The following ACSF2 variants were observed in gnomAD, a reference collection of about 807,000 sequenced individuals.
The protein encoded by ACSF2 is acyl-CoA synthetase family member 2, also known as medium-chain acyl-CoA ligase ACSF2, mitochondrial.
In ACSF2, 52 loss-of-function variants were observed where a neutral mutation model predicts 79.3. That is an observed-to-expected ratio of 0.66 (90% CI 0.53 to 0.83). The LOEUF is 0.83. ACSF2 is among the 40% of genes least tolerant of loss of function. The pLI, the probability that ACSF2 is intolerant of heterozygous loss-of-function variation, is 0.00. For synonymous variants in ACSF2, 283 were observed against 312.6 expected (o/e 0.91, Z 1.00); for missense variants, 661 against 803.3 (o/e 0.82, Z 2.14).
chr17:50,431,016 G>A (rs968337393), intron 1 of ACSF2, among the ~76,000 whole-genome samples: 9 of 152,176 alleles, frequency 5.9e-5, no homozygotes, highest in Non-Finnish European at 1.3e-4. Context: ...CTTGTATTAA[G>A]CCTGGAAGTG....
chr17:50,451,177 G>A (rs991834292), intron 1 of ACSF2, among the ~76,000 whole-genome samples: 9 of 152,104 alleles, frequency 5.9e-5, no homozygotes, highest in Non-Finnish European at 8.8e-5. Flanking sequence ...GGGCTCAAGC[G>A]ATCCTCCCAC....
At chr17:50,429,331 G>A (rs888895180) in intron 1 of ACSF2, among the ~76,000 whole-genome samples, 2 of 152,126 alleles carry the variant, frequency 1.3e-5, no homozygotes, top group Non-Finnish European at 2.9e-5. Flanking sequence ...CTGGTGTCTG[G>A]GTGGGAATTC....
intron 1 of ACSF2, among the ~76,000 whole-genome samples, chr17:50,452,820 A>G (rs1218296993): frequency 1.3e-5 from 2 of 152,336 alleles, no homozygotes; most frequent in African/African-American, 4.8e-5. Flanking sequence ...GTTTATGAGC[A>G]CATTGCATTG....
intron 1 of ACSF2, among the ~76,000 whole-genome samples, chr17:50,430,969 CAT>C (rs1915466882): frequency 1.3e-5 from 2 of 152,216 alleles, no homozygotes; most frequent in Non-Finnish European, 2.9e-5. Flanking sequence ...TTTACACACA[CAT>C]GGAAAACTAC....
At chr17:50,437,552 A>G (rs1304228245) in intron 1 of ACSF2, among the ~76,000 whole-genome samples, 1 of 151,990 alleles carries the variant, frequency 6.6e-6, no homozygotes, top group Non-Finnish European at 1.5e-5. Flanking sequence ...AGCTACTAGG[A>G]GGTTGAGACA....
rs754072414 is a variant in ACSF2 at position 50,462,303 on chromosome 17, G to T, written c.626+1G>T. 1.9e-6 allele frequency: 3 copies of T among 1,613,940 alleles called. No individual in the cohort carries two copies. Among genetic ancestry groups the T allele is most frequent in the East Asian group, 4.5e-5 (2 of 44,894 alleles). ...AGCCAGGGGCCTTGAAGAGTCAGAG[G>T]TGGGTGTGTCCCAGGTTAGTGGGTG... is the stretch of plus-strand genomic sequence containing the variant. On this transcript the variant is annotated splice_donor_variant, in intron 5 of 15. Transcript: ENST00000300441. LOFTEE classifies it high-confidence loss of function.
At position 50,463,362 on chromosome 17, in the gene ACSF2, A is replaced by G. The variant is rs1159916814; in HGVS notation, c.889-33A>G. Reference sequence around the variant, plus strand: ...TAGAGAGGAACTGGCGTCTGGCTCCAAGACAGACCCAGCCTCCTGTCTCCA... The same window carrying G: ...TAGAGAGGAACTGGCGTCTGGCTCCGAGACAGACCCAGCCTCCTGTCTCCA... On this transcript the variant is annotated intron_variant, in intron 7 of 15. Coordinates refer to ENST00000300441, the MANE Select transcript of ACSF2 (RefSeq NM_025149.6). This position sits in a 1 kb window ranked among gnomAD's most constrained non-coding sequence, Gnocchi z 4.6. The G allele has an allele frequency of 6.2e-7, 1 of 1,612,086 alleles. No homozygotes were observed. The highest frequency in any genetic ancestry group is 1.3e-5 in the African/African-American group (1 of 74,876).
intron 1 of ACSF2, among the ~76,000 whole-genome samples, chr17:50,427,263 G>T (rs931116297): frequency 1.3e-5 from 2 of 152,158 alleles, no homozygotes; most frequent in Non-Finnish European, 2.9e-5. Flanking sequence ...GTGTCTCAGA[G>T]AACTAGATTT....
intron 1 of ACSF2, among the ~76,000 whole-genome samples, chr17:50,427,886 G>A (rs144094598): frequency 9.2e-5 from 14 of 152,294 alleles, no homozygotes; most frequent in Non-Finnish European, 1.6e-4. Context: ...GCTGTGTCAG[G>A]AGGAGACTCA....
At chr17:50,455,996 C>T (rs1450047971) in intron 1 of ACSF2, among the ~76,000 whole-genome samples, 2 of 152,184 alleles carry the variant, frequency 1.3e-5, no homozygotes, top group South Asian at 2.1e-4. Flanking sequence ...AGTTTTGCTC[C>T]TTCTGCCTTG....
At chr17:50,469,471 C>T (rs908529816) in intron 10 of ACSF2, among the ~76,000 whole-genome samples, 2 of 152,168 alleles carry the variant, frequency 1.3e-5, no homozygotes, top group Admixed American at 6.5e-5. Flanking sequence ...TAGACCCGAG[C>T]TCCTTCCCCA....
intron 2 of ACSF2, 35 bp downstream of exon 2, chr17:50,460,907 G>C: frequency 1.3e-6 from 2 of 1,582,640 alleles, no homozygotes; most frequent in South Asian, 2.3e-5. Flanking sequence ...AAGTGGGCAA[G>C]TACTAGCTCC....
intron 1 of ACSF2, among the ~76,000 whole-genome samples, chr17:50,433,348 G>T (rs900065385): frequency 6.6e-6 from 1 of 151,936 alleles, no homozygotes; most frequent in Non-Finnish European, 1.5e-5. Flanking sequence ...CTCGTGATCC[G>T]CCTGCCTTGG....
At chr17:50,473,047 G>C (rs1192458612) in intron 12 of ACSF2, 1 of 154,800 alleles carries the variant, frequency 6.5e-6, no homozygotes, top group Non-Finnish European at 1.4e-5. Context: ...CCTGAAGTCA[G>C]AAGTTTGAGA....
intron 10 of ACSF2, 64 bp from the exon 11 acceptor site, chr17:50,470,964 A>G (rs2033088037): frequency 8.3e-7 from 1 of 1,202,430 alleles, no homozygotes; most frequent in Non-Finnish European, 1.2e-6. Flanking sequence ...ATTTCCTCAG[A>G]TAGCTCACCT....
chr17:50,438,303 A>G (rs544074051), intron 1 of ACSF2, among the ~76,000 whole-genome samples: 1 of 152,360 alleles, frequency 6.6e-6, no homozygotes, highest in Non-Finnish European at 1.5e-5. Flanking sequence ...CTAAGATATT[A>G]GTTTTACCTG....
At chr17:50,461,019 C>A in intron 2 of ACSF2, 147 bp downstream of exon 2, 1 of 1,157,110 alleles carries the variant, frequency 8.6e-7, no homozygotes, top group Non-Finnish European at 1.2e-6. Context: ...GAGAAGGAGA[C>A]AGGACTGACG....
intron 3 of ACSF2, 74 bp downstream of exon 3, chr17:50,461,444 C>T (rs2032320883): frequency 1.2e-6 from 2 of 1,604,914 alleles, no homozygotes; most frequent in Non-Finnish European, 1.7e-6. Context: ...CTCAGGCCCT[C>T]AGCCCCAGGA....
In ACSF2 at chr17:50,472,574, G is replaced by A; in HGVS notation, c.1470G>A (p.Trp490Ter). Reference protein sequence around the residue: ...EEAVDQDKWYWTGDVATMNEQ... With the variant: ...EEAVDQDKWY ...CAGTGGATCAGGACAAGTGGTATTG[G>A]ACAGGGTGAGAAGGCAGGGCGGGGT... Residue 490 changes from tryptophan to a stop codon, truncating the protein, a stop_gained, in exon 12 of 16, where the codon TGG becomes TGA. Coordinates refer to ENST00000300441, the MANE Select transcript of ACSF2 (RefSeq NM_025149.6). LOFTEE classifies it high-confidence loss of function. 6.3e-7 allele frequency: 1 copy of A among 1,596,830 alleles called. No individual in the cohort carries two copies. The highest frequency in any genetic ancestry group is 1.7e-5 in the Admixed American group (1 of 57,700).
Sources: allele counts gnomAD v4.1 joint callset (sites outside exome capture counted in the v4.1 genomes callset), GRCh38; gene constraint gnomAD v4.1.1; non-coding constraint Gnocchi (gnomAD v3.1); transcripts MANE v1.5; gene names NCBI Gene and HGNC (gene_info 2026-07-23, HGNC 2026-07-21).